The following INSL6 variants were observed in gnomAD, a reference collection of about 807,000 sequenced individuals.
INSL6 encodes the protein insulin like 6.
In INSL6, 16 loss-of-function variants were observed where a neutral mutation model predicts 9.4. That is an observed-to-expected ratio of 1.70 (90% CI 1.15 to 2.59). The LOEUF (loss-of-function observed/expected upper bound fraction) is 2.59, where lower values mean the gene tolerates loss of function less well. Among genes scored for constraint, INSL6 ranks in the 30% most tolerant of loss-of-function variants. The pLI, the probability that INSL6 is intolerant of heterozygous loss-of-function variation, is 0.00. For synonymous variants in INSL6, 154 were observed against 96.9 expected, an observed-to-expected ratio of 1.59 and a Z score of -3.46; for missense variants, 391 against 257.3, an observed-to-expected ratio of 1.52 and a Z score of -3.56.
the INSL6 span, among the ~76,000 whole-genome samples, chr9:5,037,428 T>C: frequency 2.0e-5 from 3 of 152,206 alleles, no homozygotes; most frequent in Non-Finnish European, 4.4e-5. Context: ...TGCGGCACTA[T>C]TCACAATAAC....
chr9:5,125,942 TTTTC>T (rs1823962305), intron 3 of INSL6: 2 of 153,100 alleles, frequency 1.3e-5, no homozygotes, highest in Admixed American at 6.6e-5. Context: ...CATATGAAAG[TTTTC>T]TTTGTTGTAT....
chr9:5,150,347 G>A (rs971444173), intron 2 of INSL6, among the ~76,000 whole-genome samples: 5 of 152,102 alleles, frequency 3.3e-5, no homozygotes, highest in African/African-American at 1.2e-4. Flanking sequence ...CTATGAATCT[G>A]ATAAAAGACT....
At chr9:5,099,092 T>G in the INSL6 span, 1 of 152,132 alleles carries the variant, frequency 6.6e-6, no homozygotes, top group African/African-American at 2.4e-5. Flanking sequence ...CCAACAGAAA[T>G]ACCCATCCAT....
At chr9:5,162,135 G>A (rs1288897492), downstream of INSL6, among the ~76,000 whole-genome samples, 1 of 151,886 alleles carries the variant, frequency 6.6e-6, no homozygotes, top group African/African-American at 2.4e-5. Context: ...TGAGCAAGAT[G>A]TTAGGATTAA....
At chr9:5,124,739 C>G (rs1292409693) in intron 3 of INSL6, among the ~76,000 whole-genome samples, 1 of 151,506 alleles carries the variant, frequency 6.6e-6, no homozygotes, top group Non-Finnish European at 1.5e-5. Flanking sequence ...GAATAGAAAA[C>G]CCAGAAATAA....
the INSL6 span, among the ~76,000 whole-genome samples, chr9:5,043,051 C>A: frequency 6.6e-6 from 1 of 152,194 alleles, no homozygotes; most frequent in Non-Finnish European, 1.5e-5. Context: ...GGCGCGCGGG[C>A]TCGTGGCTTC....
At chr9:5,123,610 A>G (rs990247141), downstream of INSL6, among the ~76,000 whole-genome samples, 1 of 152,050 alleles carries the variant, frequency 6.6e-6, no homozygotes, top group African/African-American at 2.4e-5. Context: ...TGCAATAAAC[A>G]TACAGGTGGA....
At chr9:5,083,288 T>C in the INSL6 span, among the ~76,000 whole-genome samples, 1 of 152,210 alleles carries the variant, frequency 6.6e-6, no homozygotes, top group Non-Finnish European at 1.5e-5. Context: ...CGTCACACAG[T>C]CATGTATAAC....
the INSL6 span, among the ~76,000 whole-genome samples, chr9:5,101,551 C>G: frequency 6.6e-6 from 1 of 152,232 alleles, no homozygotes; most frequent in African/African-American, 2.4e-5. Context: ...GGTGTTTGAG[C>G]TCTGACAATG....
the INSL6 span, among the ~76,000 whole-genome samples, chr9:5,074,088 T>C: frequency 6.6e-6 from 1 of 152,126 alleles, no homozygotes; most frequent in South Asian, 2.1e-4. Context: ...CAACATAACA[T>C]TGGAATAACT....
the INSL6 span, chr9:5,054,992 A>G: frequency 1.3e-6 from 1 of 770,924 alleles, no homozygotes; most frequent in Non-Finnish European, 2.0e-6. The surrounding 1 kb of genome is among the most constrained non-coding windows in gnomAD (Gnocchi z 4.9). Flanking sequence ...CTCCCATTTG[A>G]TAGAAGTGGA....
At chr9:5,037,424 A>G in the INSL6 span, among the ~76,000 whole-genome samples, 1 of 152,256 alleles carries the variant, frequency 6.6e-6, no homozygotes, top group Non-Finnish European at 1.5e-5. Flanking sequence ...TTATTGCGGC[A>G]CTATTCACAA....
the INSL6 span, chr9:5,073,897 C>A: frequency 1.5e-6 from 1 of 683,886 alleles, no homozygotes; most frequent in Non-Finnish European, 2.5e-6. Flanking sequence ...TATAATTTAA[C>A]AGGAGTTAAG....
the INSL6 span, among the ~76,000 whole-genome samples, chr9:4,993,783 C>T: frequency 2.6e-5 from 4 of 152,270 alleles, no homozygotes; most frequent in South Asian, 6.2e-4. Flanking sequence ...TTCTTCATAA[C>T]GTTGATAAGA....
intron 2 of INSL6, among the ~76,000 whole-genome samples, chr9:5,149,476 G>A (rs983138479): frequency 5.3e-5 from 8 of 152,024 alleles, no homozygotes; most frequent in African/African-American, 1.9e-4. Context: ...ACCAAATCAA[G>A]AAGGCAATCC....
chr9:5,009,880 C>G, the INSL6 span, among the ~76,000 whole-genome samples: 824 of 152,102 alleles, frequency 5.4e-3, 13 homozygotes, highest in African/African-American at 0.019. Flanking sequence ...AAGCCGTCCT[C>G]CCATTTCAGC....
At chr9:5,056,077 A>C in the INSL6 span, among the ~76,000 whole-genome samples, 4 of 152,010 alleles carry the variant, frequency 2.6e-5, no homozygotes, top group Non-Finnish European at 5.9e-5. Flanking sequence ...AGATTATACT[A>C]GTTCTCTGAT....
chr9:5,090,254 G>A, the INSL6 span, among the ~76,000 whole-genome samples: 1 of 152,092 alleles, frequency 6.6e-6, no homozygotes, highest in African/African-American at 2.4e-5. Context: ...TAGTTTCAAA[G>A]CTTTTATTCA....
At chr9:5,019,266 A>T in the INSL6 span, among the ~76,000 whole-genome samples, 5 of 152,028 alleles carry the variant, frequency 3.3e-5, no homozygotes, top group Non-Finnish European at 7.4e-5. Context: ...TTTTTGTCTA[A>T]TGGGGTTATT....
Sources: gnomAD v4.1 joint callset for allele counts (sites outside exome capture counted in the v4.1 genomes callset) on GRCh38, gnomAD v4.1.1 for gene constraint, Gnocchi (gnomAD v3.1) non-coding constraint, MANE v1.5 for transcripts, NCBI Gene and HGNC (gene_info 2026-07-23, HGNC 2026-07-21) for gene names.